The following CCSER1 variants were observed in gnomAD, a reference collection of about 807,000 sequenced individuals.
The protein encoded by CCSER1 is serine-rich coiled-coil domain-containing protein 1.
In CCSER1, 41 loss-of-function variants were observed where a neutral mutation model predicts 82.0. That is an observed-to-expected ratio of 0.50 (90% CI 0.39 to 0.65). The LOEUF (loss-of-function observed/expected upper bound fraction) is 0.65, where lower values mean the gene tolerates loss of function less well. Ranked by LOEUF, CCSER1 falls within the 30% of genes least tolerant of loss-of-function variation. The probability of loss-of-function intolerance (pLI) is 0.00; values close to 1 mark genes in which losing one functional copy is unlikely to be tolerated. For missense variants in CCSER1, 1,119 were observed against 1,064.2 expected, an observed-to-expected ratio of 1.05 and a Z score of -0.72; for synonymous variants, 414 against 383.9, an observed-to-expected ratio of 1.08 and a Z score of -0.92.
rs1290290450 is a variant in CCSER1, at chr4:91,127,482, G to A, written c.2217+41488G>A. ...ACACAGAGATCAATTTATTTTGACA[G>A]CAAAGTGTTGCAGGCACAAATTTGC... On this transcript the variant is annotated intron_variant, in intron 10 of 10. Coordinates refer to ENST00000509176, the MANE Select transcript of CCSER1 (RefSeq NM_001145065.2). 2.0e-5 allele frequency among the ~76,000 whole-genome samples: 3 copies of A among 151,964 alleles called. No individual in the cohort carries two copies. In the Admixed American group the frequency reaches 2.0e-4, roughly 10 times the overall value.
chr4:90,795,303 AAG>A (rs1755839511), intron 7 of CCSER1, among the ~76,000 whole-genome samples: 1 of 130,708 alleles, frequency 7.7e-6, no homozygotes, highest in Non-Finnish European at 1.7e-5. Context: ...AAAAAAAAAA[AAG>A]GAAACAAAGA....
rs538409286 is a variant in CCSER1 at position 91,210,859 on chromosome 4, G to T, written c.2217+124865G>T. On this transcript the variant is annotated intron_variant, in intron 10 of 10. Transcript: ENST00000509176. ...TGTCACATAAGAAGTTGTTAATATT[G>T]ATGATTTTATTGTAGTTACATAGGA... Among the ~76,000 whole-genome samples, 10 of 151,916 alleles carry T rather than the reference G, an allele frequency of 6.6e-5. No individual in the cohort carries two copies. The South Asian group carries it at 2.1e-3, about 32-fold the overall frequency.
intron 1 of CCSER1, among the ~76,000 whole-genome samples, chr4:90,246,786 A>C (rs1015003573): frequency 1.3e-5 from 2 of 152,212 alleles, no homozygotes; most frequent in Non-Finnish European, 2.9e-5. Context: ...CTATGTAAGA[A>C]GTTATGTGAA....
chr4:90,721,341 G>A (rs933973075), intron 6 of CCSER1, among the ~76,000 whole-genome samples: 5 of 151,344 alleles, frequency 3.3e-5, no homozygotes, highest in African/African-American at 1.2e-4. Context: ...CTTATGACAG[G>A]AATGTCTATT....
At chr4:90,377,908 G>A (rs1748617783) in intron 3 of CCSER1, among the ~76,000 whole-genome samples, 2 of 151,952 alleles carry the variant, frequency 1.3e-5, no homozygotes, top group Non-Finnish European at 2.9e-5. Flanking sequence ...TGAAGATGGG[G>A]CAAATTATAG....
rs538794573 is a variant in CCSER1 at position 91,264,957 on chromosome 4, A to G, written c.2217+178963A>G. Among the ~76,000 whole-genome samples the G allele has an allele frequency of 2.6e-5, 4 of 152,156 alleles. No homozygotes were observed. The East Asian group carries it at 7.7e-4, about 29-fold the overall frequency. On this transcript the variant is annotated intron_variant, in intron 10 of 10. Coordinates refer to ENST00000509176, the MANE Select transcript of CCSER1 (RefSeq NM_001145065.2). ...TAGATTTCAAATATTATTTGTCTACATTTGTTTTTCTTTCTGTTGTTTGGC... is the reference window on the plus strand; with the variant it reads ...TAGATTTCAAATATTATTTGTCTACGTTTGTTTTTCTTTCTGTTGTTTGGC...
intron 3 of CCSER1, among the ~76,000 whole-genome samples, chr4:90,321,466 G>A (rs1282307445): frequency 6.6e-6 from 1 of 152,116 alleles, no homozygotes; most frequent in Non-Finnish European, 1.5e-5. Context: ...TTTGCTTGCT[G>A]ATGGACACTT....
At chr4:91,205,723 C>A (rs1049631771) in intron 10 of CCSER1, among the ~76,000 whole-genome samples, 13 of 151,282 alleles carry the variant, frequency 8.6e-5, no homozygotes, top group African/African-American at 3.2e-4. Flanking sequence ...ACCTGGCCTC[C>A]CTTTCTACTG....
intron 4 of CCSER1, among the ~76,000 whole-genome samples, chr4:90,414,223 G>T (rs945008383): frequency 6.6e-6 from 1 of 150,910 alleles, no homozygotes; most frequent in Non-Finnish European, 1.5e-5. Context: ...AATTTACCAT[G>T]ATCTTGGCAT....
intron 10 of CCSER1, among the ~76,000 whole-genome samples, chr4:91,165,845 C>T (rs904240501): frequency 2.6e-5 from 4 of 152,208 alleles, no homozygotes; most frequent in Admixed American, 6.5e-5. Context: ...TCATGGCTTC[C>T]CTTGGCTCGG....
At position 90,491,876 on chromosome 4, in the gene CCSER1, A is replaced by C. The variant is rs576576056; in HGVS notation, c.1724+23522A>C. Among the ~76,000 whole-genome samples, 1,418 of 152,046 alleles carry C rather than the reference A, an allele frequency of 9.3e-3. 16 individuals are homozygous for C. The highest frequency in any genetic ancestry group is 0.014 in the Middle Eastern group (4 of 294). Reference sequence around the variant, plus strand: ...ATCCCAGGGATGAAGCCCACTTGATAATGGTTGATAAGCTTTTTGATGTGC... The same window carrying C: ...ATCCCAGGGATGAAGCCCACTTGATCATGGTTGATAAGCTTTTTGATGTGC... On this transcript the variant is annotated intron_variant, in intron 5 of 10. Coordinates refer to ENST00000509176, the MANE Select transcript of CCSER1 (RefSeq NM_001145065.2).
At chr4:91,485,002 T>G (rs1157082656) in intron 10 of CCSER1, among the ~76,000 whole-genome samples, 1 of 152,170 alleles carries the variant, frequency 6.6e-6, no homozygotes, top group Non-Finnish European at 1.5e-5. Context: ...CTTAGATCAC[T>G]ACTGATTTAC....
At chr4:91,241,327 A>ACTTT (rs1739343657) in intron 10 of CCSER1, among the ~76,000 whole-genome samples, 1 of 116,266 alleles carries the variant, frequency 8.6e-6, no homozygotes, top group Non-Finnish European at 1.7e-5. Context: ...CATAAAATAC[A>ACTTT]TTTTTTTTTT....
At chr4:90,896,544 G>C (rs1723743913) in intron 8 of CCSER1, among the ~76,000 whole-genome samples, 1 of 151,800 alleles carries the variant, frequency 6.6e-6, no homozygotes, top group Non-Finnish European at 1.5e-5. Context: ...AGACAAATCA[G>C]ATAAGGTAAA....
At chr4:91,319,291 C>T (rs7659081) in intron 10 of CCSER1, among the ~76,000 whole-genome samples, 118,433 of 151,478 alleles carry the variant, frequency 0.78, 47,048 homozygotes, top group African/African-American at 0.93. Flanking sequence ...TTGACCATGC[C>T]TCCCAGAGAA....
rs1157811263 is a variant in CCSER1 at position 90,465,320 on chromosome 4, C to CT, written c.1604-2896dup. ...GCGCCCAGGCAGCACTTTCCGTGTT[C>CT]TTTTTTTTTTTTTTTTTTGAGGTGC... On this transcript the variant is annotated intron_variant, in intron 4 of 10. Transcript: ENST00000509176. Among the ~76,000 whole-genome samples, 568 of 131,930 alleles carry CT rather than the reference C, an allele frequency of 4.3e-3. 3 individuals carry two copies. The highest frequency in any genetic ancestry group is 6.2e-3 in the African/African-American group (220 of 35,720). The allele number at this position is 131,930 out of a possible 152,430, so 86.6% of individuals were successfully genotyped here. A position where few individuals can be genotyped will look rare whatever the true frequency, so the allele number is the denominator to read the frequency against.
intron 10 of CCSER1, among the ~76,000 whole-genome samples, chr4:91,143,662 T>C (rs1172575942): frequency 6.6e-6 from 1 of 152,062 alleles, no homozygotes; most frequent in Admixed American, 6.6e-5. Flanking sequence ...GCCTAGTTTC[T>C]TTAGTATTTT....
At chr4:91,522,650 G>T (rs535159024) in intron 10 of CCSER1, among the ~76,000 whole-genome samples, 3 of 152,206 alleles carry the variant, frequency 2.0e-5, no homozygotes, top group Admixed American at 6.5e-5. Flanking sequence ...GAATGGGAAT[G>T]CACTCATGAT....
At chr4:91,418,020 G>A (rs543326998) in intron 10 of CCSER1, among the ~76,000 whole-genome samples, 149 of 152,116 alleles carry the variant, frequency 9.8e-4, no homozygotes, top group South Asian at 5.2e-3. Flanking sequence ...TTGGTAAACA[G>A]TGACTTGACA....
Sources: allele counts gnomAD v4.1 joint callset (sites outside exome capture counted in the v4.1 genomes callset), GRCh38; gene constraint gnomAD v4.1.1; transcripts MANE v1.5; gene names NCBI Gene and HGNC (gene_info 2026-07-23, HGNC 2026-07-21).